The following DNAH12 variants were observed in gnomAD, a reference collection of about 807,000 sequenced individuals.
DNAH12 encodes the protein axonemal beta dynein heavy chain 12.
DNAH12 carries 285 observed loss-of-function variants against 371.5 expected under a neutral mutation model. The ratio of observed to expected loss-of-function variants is 0.77; its 90% CI spans 0.70 to 0.85. DNAH12 has a LOEUF of 0.85. Among genes scored for constraint, DNAH12 ranks in the 40% least tolerant of loss-of-function variants. The pLI is 0.00. For missense variants in DNAH12, 3,611 were observed against 3,689.4 expected (o/e 0.98, Z 0.55); for synonymous variants, 1,200 against 1,213.0 (o/e 0.99, Z 0.22).
At chr3:57,338,548 C>CCGCCA in intron 60 of DNAH12, among the ~76,000 whole-genome samples, 1 of 151,082 alleles carries the variant, frequency 6.6e-6, no homozygotes, top group South Asian at 2.1e-4. Context: ...CTCTGCCCGG[C>CCGCCA]CGCCACCTCA....
At chr3:57,469,133 G>A (rs1196757698) in intron 16 of DNAH12, among the ~76,000 whole-genome samples, 154 bp from the exon 17 acceptor site, 2 of 152,132 alleles carry the variant, frequency 1.3e-5, no homozygotes, top group African/African-American at 4.8e-5. Flanking sequence ...AGAGCTGATG[G>A]TAGAAAAGAC....
intron 69 of DNAH12, among the ~76,000 whole-genome samples, chr3:57,302,336 A>G (rs1233917788): frequency 6.6e-6 from 1 of 151,766 alleles, no homozygotes; most frequent in South Asian, 2.1e-4. Flanking sequence ...ATGAAAACAT[A>G]AATTGTATAT....
chr3:57,369,227 AAAT>A (rs1344871913), intron 55 of DNAH12, among the ~76,000 whole-genome samples: 2 of 76,242 alleles, frequency 2.6e-5, no homozygotes, highest in South Asian at 3.7e-4. Flanking sequence ...ATTAAAAAAA[AAAT>A]ATATATATAT....
In DNAH12 at chr3:57,323,570, A is replaced by G. The variant is rs2061859832; in HGVS notation, c.10028T>C (p.Phe3343Ser). 3.2e-6 allele frequency: 5 copies of G among 1,550,496 alleles called. No homozygotes were observed. Among genetic ancestry groups the G allele is most frequent in the Admixed American group, 2.0e-5 (1 of 50,694 alleles). ...NYVTDKLGKK[F>S]VEPPPFDLTK... ...CAAATCAAATGGTGGAGGCTCTACA[A>G]ACTTTTTCCCTAGTTTGTCAGTTAC... The change falls in exon 63 of 74, where the codon TTT (phenylalanine) becomes TCT (serine). Residue 3343 changes from phenylalanine to serine, a missense_variant. Coordinates refer to ENST00000495027, the MANE Select transcript of DNAH12 (RefSeq NM_001366028.2).
At chr3:57,483,599 T>C in intron 12 of DNAH12, 88 bp from the exon 13 acceptor site, 1 of 1,345,046 alleles carries the variant, frequency 7.4e-7, no homozygotes, top group South Asian at 1.6e-5. Flanking sequence ...TACTATAAAA[T>C]AAGAACTATG....
chr3:57,369,290 T>A (rs1269229963), intron 55 of DNAH12, among the ~76,000 whole-genome samples: 1 of 80,152 alleles, frequency 1.2e-5, no homozygotes, highest in African/African-American at 7.7e-5. Context: ...ACATATAATA[T>A]AGAATTTTAA....
At chr3:57,509,083 A>AT in intron 6 of DNAH12, 57 bp downstream of exon 6, 1 of 1,444,864 alleles carries the variant, frequency 6.9e-7, no homozygotes. Flanking sequence ...AGATCAGTTT[A>AT]TTTTTTATCT....
Position 57,334,573 on chromosome 3 carries a change from T to G in DNAH12, c.9870A>C (p.Glu3290Asp), listed in dbSNP as rs947084736. 2.3e-5 allele frequency: 36 copies of G among 1,549,480 alleles called. No homozygotes were observed. The highest frequency in any genetic ancestry group is 3.1e-5 in the Non-Finnish European group (36 of 1,146,650). Residue 3290 changes from glutamate (E) to aspartate (D), a missense_variant, in exon 62 of 74, where the codon GAA (glutamate) becomes GAC (aspartate). By Grantham distance (45) the Glu-to-Asp change is conservative (BLOSUM62 2). This residue lies in a region of DNAH12 where 2,266 missense variants were observed against 2,236.9 expected (regional missense o/e 1.01). Coordinates refer to ENST00000495027, the MANE Select transcript of DNAH12 (RefSeq NM_001366028.2). Reference protein sequence around the residue: ...HFCEHIYEWREIYDSKEPHNA... With the variant: ...HFCEHIYEWRDIYDSKEPHNA... ...TATGTGGCTCTTTACTGTCATAGAT[T>G]TCTCGCCATTCATATATATGTTCAC... is the stretch of plus-strand genomic sequence containing the variant.
At chr3:57,361,444 C>CACACTATATATATATATATATATATA (rs1409626573) in intron 58 of DNAH12, among the ~76,000 whole-genome samples, 23 of 116,688 alleles carry the variant, frequency 2.0e-4, no homozygotes, top group African/African-American at 8.4e-4. Context: ...CACACACACA[C>CACACTATATATATATATATATATATA]TATATATATA....
At chr3:57,353,150 T>TTA (rs1228445570) in intron 59 of DNAH12, among the ~76,000 whole-genome samples, 117,675 of 151,874 alleles carry the variant, frequency 0.77, 46,227 homozygotes, top group African/African-American at 0.88. Context: ...CTGGGTGGAG[T>TTA]TGACTGATAC....
chr3:57,524,996 T>C (rs2068584624), intron 2 of DNAH12, among the ~76,000 whole-genome samples: 1 of 151,960 alleles, frequency 6.6e-6, no homozygotes, highest in East Asian at 1.9e-4. Flanking sequence ...TAGTCTATAA[T>C]GCTAGATATA....
intron 66 of DNAH12, among the ~76,000 whole-genome samples, chr3:57,312,330 A>T (rs980661750): frequency 1.3e-5 from 2 of 152,170 alleles, no homozygotes; most frequent in African/African-American, 4.8e-5. Flanking sequence ...GGGGAGGGGA[A>T]GGGTGTGTTC....
At chr3:57,322,867 T>A in intron 64 of DNAH12, 140 bp downstream of exon 64, 1 of 1,239,170 alleles carries the variant, frequency 8.1e-7, no homozygotes, top group Non-Finnish European at 1.1e-6. Context: ...GAGGCGAAGT[T>A]TGCGGTGAGC....
At chr3:57,532,635 T>A (rs1316134050) in intron 2 of DNAH12, among the ~76,000 whole-genome samples, 2 of 152,212 alleles carry the variant, frequency 1.3e-5, no homozygotes, top group African/African-American at 4.8e-5. Flanking sequence ...ATTCTCTGGA[T>A]TACCAGACAG....
intron 29 of DNAH12, among the ~76,000 whole-genome samples, chr3:57,443,963 G>A (rs1317089476): frequency 6.6e-6 from 1 of 152,072 alleles, no homozygotes; most frequent in African/African-American, 2.4e-5. Flanking sequence ...CAGCACTTTG[G>A]GAGGCCAAGT....
At chr3:57,455,132 G>A (rs2065866116) in intron 22 of DNAH12, among the ~76,000 whole-genome samples, 1 of 152,062 alleles carries the variant, frequency 6.6e-6, no homozygotes, top group Non-Finnish European at 1.5e-5. Context: ...ATAATGGGTA[G>A]ATTTAACTGT....
chr3:57,341,223 T>C (rs1189698642), intron 60 of DNAH12, among the ~76,000 whole-genome samples: 1 of 148,336 alleles, frequency 6.7e-6, no homozygotes, highest in Non-Finnish European at 1.5e-5. Context: ...TTATTCAACA[T>C]ATTAATAGTA....
rs142864235 is a variant in DNAH12, at chr3:57,419,150, C to T, written c.5714+217G>A. Among the ~76,000 whole-genome samples, 198 of 152,270 alleles carry T rather than the reference C, an allele frequency of 1.3e-3. 4 individuals carry two copies. In the East Asian group the frequency reaches 0.034, roughly 26 times the overall value. ...CAAAAATGTAAGGCAACTTATGAGG[C>T]AGCAAAGTATGATGGCAAGGGCTTT... On this transcript the variant is annotated intron_variant, in intron 37 of 73. Coordinates refer to ENST00000495027, the MANE Select transcript of DNAH12 (RefSeq NM_001366028.2).
Position 57,314,565 on chromosome 3 carries a change from C to A in DNAH12, c.10591G>T (p.Gly3531Cys). 2 of 1,551,114 alleles carry A rather than the reference C, an allele frequency of 1.3e-6. No homozygotes were observed. Among genetic ancestry groups the A allele is most frequent in the South Asian group, 2.4e-5 (2 of 83,928 alleles). ...HALVQERKKFGPLGWNIPYGF... is the reference protein window; with the variant it reads ...HALVQERKKFCPLGWNIPYGF... ...TATGGAATATTCCAACCAAGAGGAC[C>A]AAATTTCTTTCTCTCTTGCACAAGG... The change falls in exon 66 of 74, where the codon GGT becomes TGT. Residue 3531 changes from glycine to cysteine, a missense_variant. Gly to Cys is a radical substitution (Grantham distance 159, BLOSUM62 -3). Coordinates refer to ENST00000495027, the MANE Select transcript of DNAH12 (RefSeq NM_001366028.2).
Sources: allele counts gnomAD v4.1 joint callset (sites outside exome capture counted in the v4.1 genomes callset), GRCh38; gene constraint gnomAD v4.1.1; regional missense constraint gnomAD v4.1.1; transcripts MANE v1.5; gene names NCBI Gene and HGNC (gene_info 2026-07-23, HGNC 2026-07-21).